MGAT5: variants seen among roughly 807,000 people sequenced by gnomAD.
MGAT5 encodes the protein alpha-1,6-mannosylglycoprotein 6-beta-N-acetylglucosaminyltransferase A.
A neutral mutation model predicts 94.3 loss-of-function variants in MGAT5; 30 were observed. That is an observed-to-expected ratio of 0.32 (90% CI 0.24 to 0.43). The LOEUF is 0.43. MGAT5 is among the 20% of genes least tolerant of loss of function. MGAT5 has a pLI of 1.00. For missense variants in MGAT5, 691 were observed against 905.5 expected (o/e 0.76, Z 3.04); for synonymous variants, 310 against 322.9 (o/e 0.96, Z 0.43).
chr2:134,338,821 C>T (rs1177496173), intron 6 of MGAT5, among the ~76,000 whole-genome samples: 1 of 152,046 alleles, frequency 6.6e-6, no homozygotes, highest in Non-Finnish European at 1.5e-5. Context: ...TTCATTGTTA[C>T]TCTGTCTGGT....
chr2:134,156,695 G>T (rs1193594937), intron 1 of MGAT5, among the ~76,000 whole-genome samples: 1 of 152,124 alleles, frequency 6.6e-6, no homozygotes, highest in Non-Finnish European at 1.5e-5. Context: ...GAGCTCTCAG[G>T]TTTACCAGTA....
At chr2:134,446,496 G>A (rs1685784690) in intron 15 of MGAT5, among the ~76,000 whole-genome samples, 1 of 152,116 alleles carries the variant, frequency 6.6e-6, no homozygotes, top group African/African-American at 2.4e-5. Flanking sequence ...ATGTAAACTT[G>A]TCATTCAGAA....
chr2:134,199,069 A>C (rs1328983228), intron 1 of MGAT5, among the ~76,000 whole-genome samples: 1 of 152,242 alleles, frequency 6.6e-6, no homozygotes, highest in Non-Finnish European at 1.5e-5. Flanking sequence ...CAGAAAAACT[A>C]AATGCTTCCA....
At chr2:134,130,536 G>A (rs1286636799) in intron 1 of MGAT5, among the ~76,000 whole-genome samples, 1 of 152,266 alleles carries the variant, frequency 6.6e-6, no homozygotes, top group Non-Finnish European at 1.5e-5. Context: ...GCACCAATCA[G>A]CACTCTGTGT....
At position 134,310,531 on chromosome 2, in the gene MGAT5, A is replaced by G. The variant is rs72849246; in HGVS notation, c.407-6998A>G. On this transcript the variant is annotated intron_variant, in intron 2 of 15. Coordinates refer to ENST00000281923, the MANE Select transcript of MGAT5 (RefSeq NM_002410.5). ...TTAAAAAACAAAACAAAAATGATATATAAACAAGTATTTTCAAAGATCCCA... is the reference window on the plus strand; with the variant it reads ...TTAAAAAACAAAACAAAAATGATATGTAAACAAGTATTTTCAAAGATCCCA... Among the ~76,000 whole-genome samples the G allele has an allele frequency of 8.6e-4, 131 of 152,324 alleles. 2 individuals are homozygous for G. In the South Asian group the frequency reaches 0.014, roughly 17 times the overall value.
At chr2:134,392,231 A>G (rs1034676426) in intron 10 of MGAT5, among the ~76,000 whole-genome samples, 1 of 152,140 alleles carries the variant, frequency 6.6e-6, no homozygotes, top group African/African-American at 2.4e-5. Flanking sequence ...CCTTTCAAAT[A>G]TGTTTATTTG....
chr2:134,162,098 G>C (rs1204018812), intron 1 of MGAT5, among the ~76,000 whole-genome samples: 2 of 151,976 alleles, frequency 1.3e-5, no homozygotes, highest in East Asian at 1.9e-4. Flanking sequence ...GCTGAGGCAG[G>C]AGAATTACTT....
intron 1 of MGAT5, among the ~76,000 whole-genome samples, chr2:134,177,144 C>CGTGTGT (rs141358502): frequency 5.4e-4 from 77 of 142,528 alleles, no homozygotes; most frequent in Non-Finnish European, 5.7e-4. Flanking sequence ...CAAATGAACC[C>CGTGTGT]GTGTGTGTGT....
chr2:134,228,848 A>C (rs543297604), intron 1 of MGAT5, among the ~76,000 whole-genome samples: 1 of 152,266 alleles, frequency 6.6e-6, no homozygotes, highest in South Asian at 2.1e-4. Flanking sequence ...TCTGCCATCT[A>C]GTGAGTTGTA....
upstream of MGAT5, among the ~76,000 whole-genome samples, chr2:134,252,425 G>T (rs548981800): frequency 6.7e-4 from 102 of 152,298 alleles, 3 homozygotes; most frequent in African/African-American, 2.1e-3. Flanking sequence ...GCATTGTGGT[G>T]GGTGTTGAAT....
chr2:134,151,458 G>A (rs191205003), intron 1 of MGAT5, among the ~76,000 whole-genome samples: 62 of 140,744 alleles, frequency 4.4e-4, no homozygotes, highest in African/African-American at 1.6e-3. Context: ...ACTCACTCAC[G>A]CCCTATGGGA....
chr2:134,296,837 T>C (rs1435951105), intron 2 of MGAT5, among the ~76,000 whole-genome samples: 2 of 152,122 alleles, frequency 1.3e-5, no homozygotes, highest in South Asian at 2.1e-4. Context: ...AATGAATAAG[T>C]TCATACTATG....
intron 10 of MGAT5, among the ~76,000 whole-genome samples, chr2:134,392,624 CA>C (rs1682479042): frequency 6.6e-6 from 1 of 152,180 alleles, no homozygotes; most frequent in South Asian, 2.1e-4. Flanking sequence ...TCCCCGCCTA[CA>C]ACAACAGCAT....
At chr2:134,340,467 T>G (rs1371131) in intron 6 of MGAT5, among the ~76,000 whole-genome samples, 94,840 of 151,972 alleles carry the variant, frequency 0.62, 30,963 homozygotes, top group Admixed American at 0.72. Flanking sequence ...GAGAGGAATA[T>G]CCACAATATT....
chr2:134,337,302 C>T (rs922185719), intron 5 of MGAT5, among the ~76,000 whole-genome samples: 10 of 152,164 alleles, frequency 6.6e-5, no homozygotes, highest in African/African-American at 2.4e-4. Flanking sequence ...CAGCAGGACC[C>T]CATCACTACA....
chr2:134,445,690 G>A lies in MGAT5; in HGVS notation c.2028-2959G>A, dbSNP rs114060364. On this transcript the variant is annotated intron_variant, in intron 15 of 15. Transcript: ENST00000281923. ...GCCCAGAAACTTTAACTACCATCCT[G>A]TAAGAAACTAGGAAGAAAGGAAAGG... is the stretch of plus-strand genomic sequence containing the variant. Among the ~76,000 whole-genome samples the A allele has an allele frequency of 2.9e-3, 437 of 152,292 alleles. 2 individuals carry two copies. Among genetic ancestry groups the A allele is most frequent in the African/African-American group, 0.01 (421 of 41,578 alleles).
chr2:134,379,387 A>T (rs1355906525), intron 10 of MGAT5, among the ~76,000 whole-genome samples: 1 of 152,226 alleles, frequency 6.6e-6, no homozygotes, highest in East Asian at 1.9e-4. Flanking sequence ...AAGATAGGTG[A>T]GTCAGAGCTC....
chr2:134,292,708 C>T (rs1014165000), intron 2 of MGAT5, among the ~76,000 whole-genome samples: 1 of 152,100 alleles, frequency 6.6e-6, no homozygotes, highest in African/African-American at 2.4e-5. Context: ...TAGGATCTAC[C>T]TTCATCTGTG....
intron 1 of MGAT5, among the ~76,000 whole-genome samples, chr2:134,204,321 T>C (rs984477235): frequency 2.0e-5 from 3 of 152,168 alleles, no homozygotes; most frequent in Non-Finnish European, 2.9e-5. Context: ...GTACGAGAAA[T>C]TCTAATTTCT....
Sources: gnomAD v4.1 joint callset for allele counts (sites outside exome capture counted in the v4.1 genomes callset) on GRCh38, gnomAD v4.1.1 for gene constraint, MANE v1.5 for transcripts, NCBI Gene and HGNC (gene_info 2026-07-23, HGNC 2026-07-21) for gene names.